The following PDHX variants were observed in gnomAD, a reference collection of about 807,000 sequenced individuals.
PDHX encodes the protein pyruvate dehydrogenase complex component X, also known as pyruvate dehydrogenase protein X component, mitochondrial.
In PDHX, 33 loss-of-function variants were observed where a neutral mutation model predicts 55.3. That is an observed-to-expected ratio of 0.60 (90% CI 0.45 to 0.80). PDHX has a LOEUF of 0.80. Among genes scored for constraint, PDHX ranks in the 30% least tolerant of loss-of-function variants. The pLI, the probability that PDHX is intolerant of heterozygous loss-of-function variation, is 0.00. For synonymous variants in PDHX, 226 were observed against 219.4 expected (o/e 1.03, Z -0.27); for missense variants, 622 against 619.9 (o/e 1.00, Z -0.04).
At chr11:34,986,521 G>A (rs1380458845) in intron 9 of PDHX, among the ~76,000 whole-genome samples, 1 of 151,992 alleles carries the variant, frequency 6.6e-6, no homozygotes, top group Non-Finnish European at 1.5e-5. Context: ...ATAATGTTAT[G>A]GAACTTTATT....
upstream of PDHX, chr11:34,916,454 A>G (rs113073242): frequency 0.13 from 184,048 of 1,465,234 alleles, 14,529 homozygotes; most frequent in African/African-American, 0.39. Context: ...CCGCCGGCTG[A>G]GATATCCAGC....
At chr11:34,963,252 A>G (rs1855058368) in intron 5 of PDHX, among the ~76,000 whole-genome samples, 1 of 151,994 alleles carries the variant, frequency 6.6e-6, no homozygotes, top group African/African-American at 2.4e-5. Flanking sequence ...ATCTTAGCAC[A>G]CTTTTTTATT....
rs141809336 is a variant in PDHX at position 34,965,381 on chromosome 11, C to T, written c.642-1259C>T. On this transcript the variant is annotated intron_variant, in intron 5 of 10. Coordinates refer to ENST00000227868, the MANE Select transcript of PDHX (RefSeq NM_003477.3). ...TCACAACATGCATGTTTGCTTCTCC[C>T]GGGCCAGCAGTTTTATCTCTTTACT... Among the ~76,000 whole-genome samples, 630 of 152,294 alleles carry T rather than the reference C, an allele frequency of 4.1e-3. 4 individuals carry two copies. The highest frequency in any genetic ancestry group is 0.014 in the African/African-American group (596 of 41,556).
intron 6 of PDHX, among the ~76,000 whole-genome samples, chr11:34,969,350 T>C (rs1320942527): frequency 6.6e-6 from 1 of 151,730 alleles, no homozygotes; most frequent in Non-Finnish European, 1.5e-5. Flanking sequence ...TTTTTTCTTT[T>C]TTTTTTTTTT....
At chr11:34,945,537 A>C (rs1854601001) in intron 2 of PDHX, among the ~76,000 whole-genome samples, 1 of 152,124 alleles carries the variant, frequency 6.6e-6, no homozygotes, top group African/African-American at 2.4e-5. Context: ...CAGTTTTTTG[A>C]AGATATTACT....
intron 2 of PDHX, among the ~76,000 whole-genome samples, chr11:34,935,951 A>G (rs1055202490): frequency 6.6e-6 from 1 of 152,208 alleles, no homozygotes; most frequent in Non-Finnish European, 1.5e-5. Context: ...CTTGTAAAAT[A>G]GTATCAAAAG....
At chr11:34,989,255 A>T (rs1433552815) in intron 9 of PDHX, among the ~76,000 whole-genome samples, 1 of 152,226 alleles carries the variant, frequency 6.6e-6, no homozygotes, top group Non-Finnish European at 1.5e-5. Context: ...CTTTGTCTTA[A>T]GTGTCCTTAT....
intron 9 of PDHX, among the ~76,000 whole-genome samples, chr11:34,985,655 T>C (rs1183514166): frequency 1.3e-5 from 2 of 152,180 alleles, no homozygotes; most frequent in African/African-American, 2.4e-5. Context: ...CTTAAAGTGA[T>C]TGCATCGAAA....
At chr11:34,970,427 T>G in intron 7 of PDHX, 141 bp downstream of exon 7, 2 of 716,678 alleles carry the variant, frequency 2.8e-6, no homozygotes, top group East Asian at 5.4e-5. Flanking sequence ...CTACTCTGGG[T>G]ATATTTGTGC....
At chr11:34,990,487 G>C (rs149195685) in intron 9 of PDHX, among the ~76,000 whole-genome samples, 5 of 152,102 alleles carry the variant, frequency 3.3e-5, no homozygotes, top group East Asian at 1.9e-4. Context: ...GTATGTGTGC[G>C]TGCAATCTAC....
chr11:34,941,828 G>A (rs1310136967), intron 2 of PDHX: 1 of 154,576 alleles, frequency 6.5e-6, no homozygotes, highest in Non-Finnish European at 1.5e-5. Context: ...AAAGGAACAG[G>A]ACGATGATGC....
intron 9 of PDHX, among the ~76,000 whole-genome samples, chr11:34,991,563 G>C (rs1174063839): frequency 1.3e-5 from 2 of 152,100 alleles, no homozygotes; most frequent in African/African-American, 4.8e-5. Flanking sequence ...CGGAATGTTG[G>C]TTGTGGGATT....
chr11:34,980,698 G>A (rs536571080), intron 8 of PDHX, among the ~76,000 whole-genome samples: 6 of 152,182 alleles, frequency 3.9e-5, no homozygotes, highest in Non-Finnish European at 5.9e-5. Flanking sequence ...CAATTGAAAA[G>A]CAATGTGAAG....
At chr11:34,965,252 T>C (rs1855106947) in intron 5 of PDHX, among the ~76,000 whole-genome samples, 1 of 152,176 alleles carries the variant, frequency 6.6e-6, no homozygotes, top group African/African-American at 2.4e-5. Flanking sequence ...CTTGGGACTG[T>C]AGGACTGTGG....
intron 2 of PDHX, among the ~76,000 whole-genome samples, chr11:34,934,219 A>G (rs996315927): frequency 6.6e-5 from 10 of 152,246 alleles, no homozygotes; most frequent in African/African-American, 2.4e-4. Flanking sequence ...AGATAACCAG[A>G]TATTACATGT....
Position 34,957,433 on chromosome 11 carries a change from T to C in PDHX, c.392T>C (p.Ile131Thr), listed in dbSNP as rs1475310704. Residue 131 changes from isoleucine to threonine, a missense_variant, in exon 4 of 11, where the codon ATA (isoleucine) becomes ACA (threonine). Transcript: ENST00000227868. Reference protein sequence around the residue: ...NIRLGSLIGLIVEEGEDWKHV... With the variant: ...NIRLGSLIGLTVEEGEDWKHV... Reference sequence around the variant, plus strand: ...CGGCTAGGTTCACTAATTGGTTTGATAGTAGAAGAAGGAGAAGATTGGAAA... The same window carrying C: ...CGGCTAGGTTCACTAATTGGTTTGACAGTAGAAGAAGGAGAAGATTGGAAA... 6.2e-7 allele frequency: 1 copy of C among 1,613,488 alleles called. No homozygotes were observed. Among genetic ancestry groups the C allele is most frequent in the Middle Eastern group, 1.7e-4 (1 of 6,058 alleles).
intron 8 of PDHX, among the ~76,000 whole-genome samples, chr11:34,978,457 G>T (rs1402951210): frequency 2.0e-5 from 3 of 152,100 alleles, no homozygotes; most frequent in South Asian, 2.1e-4. Flanking sequence ...TGTCCCTGGG[G>T]CTTACATTCT....
chr11:34,967,281 A>G (rs1280525214), intron 6 of PDHX, among the ~76,000 whole-genome samples: 1 of 152,256 alleles, frequency 6.6e-6, no homozygotes, highest in Admixed American at 6.5e-5. Context: ...TAAGGATAAA[A>G]CACTCCAAAT....
intron 3 of PDHX, among the ~76,000 whole-genome samples, chr11:34,955,294 C>T (rs1023793035): frequency 3.3e-5 from 5 of 152,086 alleles, no homozygotes; most frequent in South Asian, 4.1e-4. Flanking sequence ...CGTATTTATA[C>T]TAAGTCTACA....
Sources: allele counts gnomAD v4.1 joint callset (sites outside exome capture counted in the v4.1 genomes callset), GRCh38; gene constraint gnomAD v4.1.1; transcripts MANE v1.5; gene names NCBI Gene and HGNC (gene_info 2026-07-23, HGNC 2026-07-21).